BOC: variants seen among roughly 807,000 people sequenced by gnomAD.
BOC encodes BOC cell adhesion associated, oncogene regulated.
BOC carries 76 observed loss-of-function variants against 112.0 expected under a neutral mutation model. That is an observed-to-expected ratio of 0.68 (90% CI 0.56 to 0.82). BOC has a LOEUF of 0.82. Ranked by LOEUF, BOC falls within the 40% of genes least tolerant of loss-of-function variation. BOC has a pLI of 0.00. For missense variants in BOC, 1,309 were observed against 1,511.7 expected, an observed-to-expected ratio of 0.87 and a Z score of 2.22; for synonymous variants, 580 against 599.8, an observed-to-expected ratio of 0.97 and a Z score of 0.48.
Position 113,284,579 on chromosome 3 carries a change from T to G in BOC, c.2889+12T>G. 6.2e-7 allele frequency: 1 copy of G among 1,606,134 alleles called. No homozygotes were observed. The highest frequency in any genetic ancestry group is 1.7e-4 in the Middle Eastern group (1 of 5,924). On this transcript the variant is annotated intron_variant, in intron 17 of 19. Transcript: ENST00000682979. ...GCGAGCTTCAGCAGGTAGCGCATTC[T>G]TGGGTGTGGGCGGCAGGTATGGGAC...
At chr3:113,272,132 G>A in intron 6 of BOC, 3 of 512,700 alleles carry the variant, frequency 5.9e-6, no homozygotes, top group Non-Finnish European at 1.0e-5. Flanking sequence ...CTCTTTGCCA[G>A]CACACAGTTA....
rs1949382118 is a variant in BOC, at chr3:113,283,527, T to A, written c.2551T>A (p.Ser851Thr). Reference sequence around the variant, plus strand: ...GGGCACTGGGGCCATGGTGGCTCGCTCCAGCGACCTGCCCTATCTGATTGT... The same window carrying A: ...GGGCACTGGGGCCATGGTGGCTCGCACCAGCGACCTGCCCTATCTGATTGT... The part of the protein sequence containing the change: ...PVGTGAMVAR[S>T]SDLPYLIVGV... Residue 851 changes from serine to threonine, a missense_variant, in exon 16 of 20, where the codon TCC becomes ACC. Transcript: ENST00000682979. The A allele has an allele frequency of 1.9e-6, 3 of 1,613,846 alleles. No homozygotes were observed. The African/African-American group carries it at 4.0e-5, about 22-fold the overall frequency.
Position 113,274,864 on chromosome 3 carries a change from T to C in BOC, c.1542+182T>C, listed in dbSNP as rs1948499913. 6.6e-6 allele frequency among the ~76,000 whole-genome samples: 1 copy of C among 152,098 alleles called. No homozygotes were observed. The highest frequency in any genetic ancestry group is 2.4e-5 in the African/African-American group (1 of 41,430). On this transcript the variant is annotated intron_variant, in intron 9 of 19. Transcript: ENST00000682979. The surrounding 1 kb of genome is among the most constrained non-coding windows in gnomAD (Gnocchi z 4.8). Reference sequence around the variant, plus strand: ...TCCCTGCCACCTCCCAGGAAGCTGGTTGTAAGATGGGTGTGTGGGACCCTG... The same window carrying C: ...TCCCTGCCACCTCCCAGGAAGCTGGCTGTAAGATGGGTGTGTGGGACCCTG...
At chr3:113,249,041 C>A (rs916777572) in intron 2 of BOC, among the ~76,000 whole-genome samples, 1 of 152,064 alleles carries the variant, frequency 6.6e-6, no homozygotes, top group African/African-American at 2.4e-5. Flanking sequence ...TGGCTTATGA[C>A]TTTGGGCTGT....
rs1559892723 is a variant in BOC at position 113,284,570 on chromosome 3, A to G, written c.2889+3A>G. ...ACTGCCCAGGCGAGCTTCAGCAGGT[A>G]GCGCATTCTTGGGTGTGGGCGGCAG... On this transcript the variant is annotated splice_donor_region_variant and intron_variant, in intron 17 of 19. Coordinates refer to ENST00000682979, the MANE Select transcript of BOC (RefSeq NM_001378074.1). 3.1e-6 allele frequency: 5 copies of G among 1,609,560 alleles called. No homozygotes were observed. The highest frequency in any genetic ancestry group is 4.2e-6 in the Non-Finnish European group (5 of 1,177,940).
chr3:113,226,808 G>A (rs541083341), intron 2 of BOC, among the ~76,000 whole-genome samples: 1 of 152,310 alleles, frequency 6.6e-6, no homozygotes, highest in East Asian at 1.9e-4. Context: ...GCACGGAACT[G>A]TTACTGCTTA....
At chr3:113,231,132 G>A (rs776048526) in intron 2 of BOC, among the ~76,000 whole-genome samples, 25 of 152,168 alleles carry the variant, frequency 1.6e-4, no homozygotes, top group Non-Finnish European at 3.7e-4. Flanking sequence ...GGGTGGTTGG[G>A]AAATGAGGCC....
intron 4 of BOC, 186 bp downstream of exon 4, chr3:113,251,019 G>A (rs1945567474): frequency 1.4e-6 from 1 of 727,404 alleles, no homozygotes; most frequent in Non-Finnish European, 2.2e-6. Context: ...TGTGCCCTTG[G>A]AAAACCTCAC....
intron 8 of BOC, 115 bp downstream of exon 8, chr3:113,273,456 G>A: frequency 2.5e-6 from 3 of 1,186,174 alleles, no homozygotes; most frequent in South Asian, 2.0e-5. Context: ...GCTTTTAGTT[G>A]TAAGCTCAAA....
chr3:113,222,761 C>T (rs1191169221), intron 2 of BOC, among the ~76,000 whole-genome samples: 1 of 152,252 alleles, frequency 6.6e-6, no homozygotes, highest in Non-Finnish European at 1.5e-5. Flanking sequence ...TGTTTTTTAT[C>T]TGGGATTTCC....
intron 1 of BOC, among the ~76,000 whole-genome samples, chr3:113,215,736 A>G (rs954271514): frequency 1.3e-5 from 2 of 152,134 alleles, no homozygotes; most frequent in Non-Finnish European, 2.9e-5. Flanking sequence ...GCTCTGTCCT[A>G]CCTCATGATA....
intron 2 of BOC, among the ~76,000 whole-genome samples, chr3:113,229,925 G>A (rs949802641): frequency 6.6e-6 from 1 of 152,206 alleles, no homozygotes; most frequent in African/African-American, 2.4e-5. Flanking sequence ...CTATTTCCAG[G>A]AAGGAGTGGT....
In BOC at chr3:113,268,385, A is replaced by G; in HGVS notation, c.463A>G (p.Ser155Gly). 6.2e-7 allele frequency: 1 copy of G among 1,614,162 alleles called. No homozygotes were observed. Among genetic ancestry groups the G allele is most frequent in the Non-Finnish European group, 8.5e-7 (1 of 1,180,018 alleles). The change falls in exon 5 of 20, where the codon AGC becomes GGC. Residue 155 changes from serine (S) to glycine (G), a missense_variant. Ser to Gly is a moderately conservative substitution (Grantham distance 56, BLOSUM62 0). Coordinates refer to ENST00000682979, the MANE Select transcript of BOC (RefSeq NM_001378074.1). ...TAVIACHLPE[S>G]HPKAQVRYSV... Reference sequence around the variant, plus strand: ...AGTCATTGCCTGCCACCTGCCTGAGAGCCACCCCAAAGCCCAGGTCCGGTA... The same window carrying G: ...AGTCATTGCCTGCCACCTGCCTGAGGGCCACCCCAAAGCCCAGGTCCGGTA...
At chr3:113,244,498 A>T (rs983724488) in intron 2 of BOC, among the ~76,000 whole-genome samples, 3 of 152,186 alleles carry the variant, frequency 2.0e-5, no homozygotes, top group African/African-American at 7.2e-5. Context: ...GATGTTCCAG[A>T]TATTAGTCTA....
In BOC at chr3:113,284,885, C is replaced by G. The variant is rs1256276251; in HGVS notation, c.2966+27C>G. The G allele has an allele frequency of 2.5e-6, 4 of 1,598,098 alleles. No homozygotes were observed. The African/African-American group carries it at 4.0e-5, about 16-fold the overall frequency. On this transcript the variant is annotated intron_variant, in intron 18 of 19. Transcript: ENST00000682979. Reference sequence around the variant, plus strand: ...TAACCAGGCCTCTCCCCTTTCACTCCCAAGCCCCACAGCCTCACTTTCCCT... The same window carrying G: ...TAACCAGGCCTCTCCCCTTTCACTCGCAAGCCCCACAGCCTCACTTTCCCT...
At chr3:113,269,802 T>A (rs1176558697) in intron 5 of BOC, 1 of 152,180 alleles carries the variant, frequency 6.6e-6, no homozygotes, top group Non-Finnish European at 1.5e-5. Context: ...CAAGGGTTTC[T>A]CCCACTCCAT....
At position 113,272,683 on chromosome 3, in the gene BOC, T is replaced by A. The variant is rs754514976; in HGVS notation, c.941T>A (p.Leu314His). The A allele has an allele frequency of 1.2e-6, 2 of 1,613,750 alleles. No homozygotes were observed. The highest frequency in any genetic ancestry group is 1.7e-6 in the Non-Finnish European group (2 of 1,179,942). The change falls in exon 7 of 20, where the codon CTC (leucine) becomes CAC (histidine). Residue 314 changes from leucine to histidine, a missense_variant. Coordinates refer to ENST00000682979, the MANE Select transcript of BOC (RefSeq NM_001378074.1). ...GVGQPGAAVI[L>H]YNVQVFEPPE... ...GGGCAGCCCGGGGCAGCGGTCATCC[T>A]CTACAATGTCCAGGTGTTTGGTGAG...
chr3:113,233,148 G>GGTGT (rs59444901), intron 2 of BOC, among the ~76,000 whole-genome samples: 12,693 of 123,816 alleles, frequency 0.1, 866 homozygotes, highest in Admixed American at 0.15. Context: ...AAAGGATTGG[G>GGTGT]GTGTGTGTGT....
chr3:113,226,021 C>A (rs763525367), intron 2 of BOC, among the ~76,000 whole-genome samples: 1 of 152,138 alleles, frequency 6.6e-6, no homozygotes, highest in African/African-American at 2.4e-5. Context: ...GACTGGCTTC[C>A]GTGGATACAC....
Sources: allele counts gnomAD v4.1 joint callset (sites outside exome capture counted in the v4.1 genomes callset), GRCh38; gene constraint gnomAD v4.1.1; non-coding constraint Gnocchi (gnomAD v3.1); transcripts MANE v1.5; gene names NCBI Gene and HGNC (gene_info 2026-07-23, HGNC 2026-07-21).